The following ZFHX3 variants were observed in gnomAD, a reference collection of about 807,000 sequenced individuals.
ZFHX3 encodes zinc finger homeobox protein 3.
A neutral mutation model predicts 279.1 loss-of-function variants in ZFHX3; 42 were observed. The ratio of observed to expected loss-of-function variants is 0.15; its 90% confidence interval spans 0.12 to 0.19. The LOEUF is 0.19. Among genes scored for constraint, ZFHX3 ranks in the 10% least tolerant of loss-of-function variants. The probability of loss-of-function intolerance (pLI) is 1.00; values close to 1 mark genes in which losing one functional copy is unlikely to be tolerated. For synonymous variants in ZFHX3, 2,293 were observed against 1,957.8 expected, an observed-to-expected ratio of 1.17 and a Z score of -4.52; for missense variants, 4,981 against 4,754.0, an observed-to-expected ratio of 1.05 and a Z score of -1.40.
At chr16:73,564,812 CT>C (rs2020427004) in intron 2 of ZFHX3, among the ~76,000 whole-genome samples, 1 of 152,204 alleles carries the variant, frequency 6.6e-6, no homozygotes, top group African/African-American at 2.4e-5. Context: ...TTCCAAAATG[CT>C]GTCATCTCCA....
chr16:73,496,453 C>T (rs373145782), intron 2 of ZFHX3, among the ~76,000 whole-genome samples: 266 of 152,300 alleles, frequency 1.7e-3, no homozygotes, highest in African/African-American at 6.1e-3. Context: ...ATCGCTTGAA[C>T]TGGGGAGGCA....
At chr16:72,993,660 A>G (rs1283808593) in intron 1 of ZFHX3, among the ~76,000 whole-genome samples, 1 of 151,426 alleles carries the variant, frequency 6.6e-6, no homozygotes, top group Non-Finnish European at 1.5e-5. Flanking sequence ...ACCACTCCCC[A>G]CTCCAATTTC....
At chr16:72,927,735 G>T (rs960726752) in intron 3 of ZFHX3, among the ~76,000 whole-genome samples, 2 of 151,988 alleles carry the variant, frequency 1.3e-5, no homozygotes, top group Admixed American at 1.3e-4. Flanking sequence ...TCCCAGCATT[G>T]TGCTCCCTCC....
At chr16:73,761,032 G>A (rs1486637710) in intron 1 of ZFHX3, among the ~76,000 whole-genome samples, 2 of 151,864 alleles carry the variant, frequency 1.3e-5, no homozygotes, top group African/African-American at 4.8e-5. Flanking sequence ...GAGGAAGAGA[G>A]GAGGTCAAAT....
chr16:73,835,497 T>C (rs1169210593), intron 1 of ZFHX3, among the ~76,000 whole-genome samples: 2 of 123,992 alleles, frequency 1.6e-5, no homozygotes, highest in Admixed American at 1.0e-4. Context: ...TGAGATGGAG[T>C]TTCACTCTTG....
At chr16:73,155,269 C>T (rs1055978581) in intron 5 of ZFHX3, among the ~76,000 whole-genome samples, 3 of 151,496 alleles carry the variant, frequency 2.0e-5, no homozygotes, top group African/African-American at 7.3e-5. Flanking sequence ...CTTGATCTAC[C>T]AAACCAAAAT....
intron 3 of ZFHX3, among the ~76,000 whole-genome samples, chr16:73,437,389 G>A (rs1454834254): frequency 1.3e-5 from 2 of 152,112 alleles, no homozygotes; most frequent in African/African-American, 4.8e-5. Flanking sequence ...AAGGGATTTT[G>A]TATAACATGC....
At position 73,808,340 on chromosome 16, in the gene ZFHX3, C is replaced by T. The variant is rs572044953; in HGVS notation, c.-1608+83311G>A. The T allele has an allele frequency of 4.6e-5, 7 of 152,274 alleles. No individual in the cohort carries two copies. The East Asian group carries it at 1.3e-3, about 29-fold the overall frequency. The allele number at this position is 152,274 out of a possible 1,614,324, so 9.4% of individuals were successfully genotyped here. On this transcript the variant is annotated intron_variant, in intron 1 of 17. Transcript: ENST00000641206. The stretch of plus-strand genomic sequence containing the variant: ...TGATAGTAGTTGAAATTCTTGTTTT[C>T]TTGCTACTGTGGTAAGTATTGCTAT...
intron 1 of ZFHX3, among the ~76,000 whole-genome samples, chr16:73,811,389 G>A (rs8062646): frequency 0.013 from 1,937 of 151,716 alleles, 36 homozygotes; most frequent in African/African-American, 0.044. Context: ...CATAGTGAAT[G>A]GCTAATACCC....
intron 1 of ZFHX3, among the ~76,000 whole-genome samples, chr16:73,835,510 A>C (rs1185337329): frequency 1.9e-5 from 2 of 107,906 alleles, no homozygotes; most frequent in African/African-American, 7.2e-5. Context: ...CACTCTTGTC[A>C]TCAAGGCTGG....
chr16:73,438,252 T>A (rs2018029064), intron 3 of ZFHX3, among the ~76,000 whole-genome samples: 1 of 152,222 alleles, frequency 6.6e-6, no homozygotes, highest in East Asian at 1.9e-4. Flanking sequence ...TAAGGCTTGA[T>A]GACATTATCA....
intron 8 of ZFHX3, among the ~76,000 whole-genome samples, chr16:73,085,462 T>C (rs995407651): frequency 3.7e-4 from 57 of 152,230 alleles, no homozygotes; most frequent in African/African-American, 1.2e-3. Context: ...GTCAGGCTGG[T>C]CTTGAATTCC....
At chr16:72,961,884 T>TAAACCAAACCAAACCAAACCAAACC (rs57537362) in intron 1 of ZFHX3, among the ~76,000 whole-genome samples, 1 of 149,740 alleles carries the variant, frequency 6.7e-6, no homozygotes, top group East Asian at 2.0e-4. Context: ...ATGACTACAG[T>TAAACCAAACCAAACCAAACCAAACC]AAACCAAACC....
intron 3 of ZFHX3, among the ~76,000 whole-genome samples, chr16:73,379,934 A>G (rs2016791196): frequency 6.6e-6 from 1 of 152,182 alleles, no homozygotes. Flanking sequence ...GAAATTTTGG[A>G]GACTAAAAGC....
chr16:72,831,644 G>A (rs2037061908), intron 4 of ZFHX3, among the ~76,000 whole-genome samples: 1 of 152,180 alleles, frequency 6.6e-6, no homozygotes, highest in African/African-American at 2.4e-5. Flanking sequence ...ATTATGTCCA[G>A]GTGGGACGTT....
At chr16:73,062,925 C>A (rs1295640158), upstream of ZFHX3, among the ~76,000 whole-genome samples, 2 of 152,206 alleles carry the variant, frequency 1.3e-5, no homozygotes, top group Non-Finnish European at 2.9e-5. Flanking sequence ...CATATGGATT[C>A]CATAAATGCA....
chr16:73,790,746 T>C (rs999572475), intron 1 of ZFHX3, among the ~76,000 whole-genome samples: 11 of 152,218 alleles, frequency 7.2e-5, no homozygotes, highest in Non-Finnish European at 1.3e-4. Context: ...CATCATTAGA[T>C]GGACACTGAG....
chr16:73,465,485 A>G (rs2018551521), intron 2 of ZFHX3, among the ~76,000 whole-genome samples: 1 of 152,048 alleles, frequency 6.6e-6, no homozygotes, highest in Non-Finnish European at 1.5e-5. Context: ...CTGAGGTCTC[A>G]CTGGAGACTG....
At chr16:72,981,363 T>C (rs114394422) in intron 1 of ZFHX3, among the ~76,000 whole-genome samples, 2,072 of 152,332 alleles carry the variant, frequency 0.014, 51 homozygotes, top group African/African-American at 0.048. Context: ...TAAGGTTATA[T>C]AACAGCTTGA....
Sources: allele counts gnomAD v4.1 joint callset (sites outside exome capture counted in the v4.1 genomes callset), GRCh38; gene constraint gnomAD v4.1.1; transcripts MANE v1.5; gene names NCBI Gene and HGNC (gene_info 2026-07-23, HGNC 2026-07-21).